Variants in CACNB2 observed in about 807,000 individuals in gnomAD.
The protein encoded by CACNB2 is voltage-dependent L-type calcium channel subunit beta-2.
CACNB2 carries 42 observed loss-of-function variants against 73.3 expected under a neutral mutation model. That is an observed-to-expected ratio of 0.57 (90% CI 0.45 to 0.74). CACNB2 has a LOEUF of 0.74. CACNB2 is among the 30% of genes least tolerant of loss of function. CACNB2 has a pLI of 0.00. For missense variants in CACNB2, 940 were observed against 853.0 expected (o/e 1.10, Z -1.27); for synonymous variants, 348 against 310.3 (o/e 1.12, Z -1.28).
chr10:18,316,731 G>T (rs141790241), intron 2 of CACNB2, among the ~76,000 whole-genome samples: 9 of 152,244 alleles, frequency 5.9e-5, no homozygotes, highest in Non-Finnish European at 1.0e-4. Flanking sequence ...CAGGGTGCTG[G>T]AATTACAGGC....
chr10:18,484,695 C>T (rs2048969239), intron 3 of CACNB2, among the ~76,000 whole-genome samples: 1 of 152,200 alleles, frequency 6.6e-6, no homozygotes, highest in African/African-American at 2.4e-5. Context: ...GATTCAAGCC[C>T]TGTCTCTCGT....
chr10:18,367,063 A>G (rs1285024556), intron 2 of CACNB2, among the ~76,000 whole-genome samples: 1 of 152,220 alleles, frequency 6.6e-6, no homozygotes, highest in East Asian at 1.9e-4. Flanking sequence ...ATGTACTACG[A>G]TGACGATGAG....
intron 6 of CACNB2, 97 bp downstream of exon 6, chr10:18,506,644 T>C (rs2050503828): frequency 1.3e-6 from 1 of 786,498 alleles, no homozygotes; most frequent in Non-Finnish European, 2.3e-6. Context: ...TGAATCACTA[T>C]GTTAACCCTA....
intron 3 of CACNB2, among the ~76,000 whole-genome samples, chr10:18,462,347 TG>T (rs2132684795): frequency 6.6e-6 from 1 of 152,186 alleles, no homozygotes; most frequent in South Asian, 2.1e-4. Flanking sequence ...CTTGAACTCC[TG>T]GGCTCAAGCG....
At chr10:18,157,048 A>G (rs2131069258) in intron 2 of CACNB2, among the ~76,000 whole-genome samples, 1 of 147,224 alleles carries the variant, frequency 6.8e-6, no homozygotes, top group East Asian at 2.0e-4. Flanking sequence ...GGCAACAAGA[A>G]CGAAACTTTG....
At chr10:18,311,035 C>G (rs1054199306) in intron 2 of CACNB2, among the ~76,000 whole-genome samples, 2 of 152,084 alleles carry the variant, frequency 1.3e-5, no homozygotes, top group Non-Finnish European at 2.9e-5. Flanking sequence ...AGTACTTTTT[C>G]ATAGCTTTTT....
chr10:18,245,084 A>ATTTT (rs11400611), intron 2 of CACNB2, among the ~76,000 whole-genome samples: 27 of 149,680 alleles, frequency 1.8e-4, no homozygotes, highest in African/African-American at 5.2e-4. Context: ...ACAGCCTTGG[A>ATTTT]TTTTTTTTTT....
At chr10:18,254,285 T>A (rs1196700420) in intron 2 of CACNB2, among the ~76,000 whole-genome samples, 1 of 152,238 alleles carries the variant, frequency 6.6e-6, no homozygotes, top group African/African-American at 2.4e-5. Flanking sequence ...TTATTAGGGT[T>A]ACACAATCTT....
In CACNB2 at chr10:18,542,486, G is replaced by A. The variant is rs1324120238; in HGVS notation, c.*2762G>A. On this transcript the variant is annotated 3_prime_UTR_variant, in exon 14 of 14. Transcript: ENST00000324631. ...ATGATTTTAGAATATTTAAATTCTT[G>A]AAACATAGCTAGTATTTATCTTACT... 1 of 152,090 alleles carries A rather than the reference G, an allele frequency of 6.6e-6. No homozygotes were observed. Among genetic ancestry groups the A allele is most frequent in the East Asian group, 1.9e-4 (1 of 5,198 alleles). The allele number at this position is 152,090 out of a possible 1,614,324, so 9.4% of individuals were successfully genotyped here.
intron 1 of CACNB2, among the ~76,000 whole-genome samples, chr10:18,149,094 A>G (rs1394452139): frequency 6.6e-6 from 1 of 152,108 alleles, no homozygotes; most frequent in East Asian, 1.9e-4. Flanking sequence ...CGGTGAATTT[A>G]ACAAAGATTG....
chr10:18,488,719 C>A (rs868714815), intron 3 of CACNB2, among the ~76,000 whole-genome samples: 1 of 152,028 alleles, frequency 6.6e-6, no homozygotes, highest in African/African-American at 2.4e-5. Context: ...TTATAACTTT[C>A]AAGTCTTCAA....
At chr10:18,265,019 A>G (rs1041238927) in intron 2 of CACNB2, among the ~76,000 whole-genome samples, 3 of 152,032 alleles carry the variant, frequency 2.0e-5, no homozygotes, top group Middle Eastern at 3.4e-3. Context: ...TACACCTAGT[A>G]TTGTCATTTG....
chr10:18,463,595 G>GTTTT (rs1351707164), intron 3 of CACNB2, among the ~76,000 whole-genome samples: 6 of 57,908 alleles, frequency 1.0e-4, no homozygotes, highest in Non-Finnish European at 4.0e-4. Flanking sequence ...TTTTTTTTTT[G>GTTTT]TTGTTTTTTG....
At chr10:18,513,401 G>A (rs551222903) in intron 6 of CACNB2, 9 of 183,292 alleles carry the variant, frequency 4.9e-5, no homozygotes, top group Middle Eastern at 2.2e-3. Flanking sequence ...TCGTGTAGTT[G>A]TAAGAGAATC....
chr10:18,186,501 G>C (rs140843244), intron 2 of CACNB2, among the ~76,000 whole-genome samples: 4 of 152,164 alleles, frequency 2.6e-5, no homozygotes, highest in Admixed American at 6.5e-5. Flanking sequence ...AGTTCCACAG[G>C]CTGTACAGGA....
chr10:18,398,688 CACAT>C lies in CACNB2; in HGVS notation c.214-3232_214-3229del, dbSNP rs371634901. Among the ~76,000 whole-genome samples the C allele has an allele frequency of 6.1e-3, 453 of 74,292 alleles. 3 individuals are homozygous for C. Among genetic ancestry groups the C allele is most frequent in the South Asian group, 0.042 (103 of 2,440 alleles). The allele number at this position is 74,292 out of a possible 152,430, so 48.7% of individuals were successfully genotyped here. A position where few individuals can be genotyped will look rare whatever the true frequency, so the allele number is the denominator to read the frequency against. ...ACTGTCACACACACACACACACACA[CACAT>C]ACACACACACACACACACACACAAT... On this transcript the variant is annotated intron_variant, in intron 2 of 13. Coordinates refer to ENST00000324631, the MANE Select transcript of CACNB2 (RefSeq NM_201596.3).
intron 3 of CACNB2, among the ~76,000 whole-genome samples, chr10:18,421,757 C>A (rs1360535081): frequency 6.6e-6 from 1 of 152,110 alleles, no homozygotes; most frequent in Non-Finnish European, 1.5e-5. Flanking sequence ...GCCTCTGAAA[C>A]AAACCTATAT....
intron 2 of CACNB2, among the ~76,000 whole-genome samples, chr10:18,358,539 T>TCTCTCTCTCTCTCG (rs1260107770): frequency 2.9e-5 from 1 of 34,194 alleles, no homozygotes; most frequent in Non-Finnish European, 8.3e-5. Flanking sequence ...TCTCTCTCTC[T>TCTCTCTCTCTCTCG]CTCTCTCTCT....
intron 2 of CACNB2, among the ~76,000 whole-genome samples, chr10:18,156,103 A>G (rs906312520): frequency 5.9e-5 from 9 of 152,156 alleles, no homozygotes; most frequent in African/African-American, 2.2e-4. Flanking sequence ...ACATCAGCAG[A>G]AAAAGGCTAC....
Sources: allele counts gnomAD v4.1 joint callset (sites outside exome capture counted in the v4.1 genomes callset), GRCh38; gene constraint gnomAD v4.1.1; transcripts MANE v1.5; gene names NCBI Gene and HGNC (gene_info 2026-07-23, HGNC 2026-07-21).